INPP5B: variants seen among roughly 807,000 people sequenced by gnomAD.
The protein encoded by INPP5B is inositol polyphosphate-5-phosphatase B.
INPP5B carries 90 observed loss-of-function variants against 118.5 expected under a neutral mutation model. The ratio of observed to expected loss-of-function variants is 0.76; its 90% CI spans 0.64 to 0.90. INPP5B has a LOEUF of 0.90. Ranked by LOEUF, INPP5B falls within the 40% of genes least tolerant of loss-of-function variation. The pLI is 0.00. For missense variants in INPP5B, 984 were observed against 1,125.6 expected (o/e 0.87, Z 1.80); for synonymous variants, 385 against 418.9 (o/e 0.92, Z 0.99).
rs1050159743 is a variant in INPP5B at position 37,875,637 on chromosome 1, T to C, written c.1757A>G (p.Asn586Ser). 6.2e-6 allele frequency: 10 copies of C among 1,614,070 alleles called. No homozygotes were observed. The highest frequency in any genetic ancestry group is 1.6e-4 in the Middle Eastern group (1 of 6,062). The change falls in exon 17 of 24, where the codon AAC (asparagine) becomes AGC (serine). Residue 586 changes from asparagine to serine, a missense_variant. Physicochemically the swap from Asn to Ser is conservative, Grantham distance 46. Around this residue, in one of 2 missense-constraint regions of INPP5B, gnomAD observed 634 missense variants for 791.0 expected, o/e 0.80. Transcript: ENST00000373024. The part of the protein sequence containing the change: ...VRSLDKMENA[N>S]IPSVSLSKRE... ...CTTGGACAGGGACACAGAAGGAATG[T>C]TGGCATTTTCCATCTTATCCAGGGA...
At chr1:37,946,160 G>A (rs1415309182) in intron 2 of INPP5B, 92 bp downstream of exon 2, 9 of 1,194,538 alleles carry the variant, frequency 7.5e-6, no homozygotes, top group Non-Finnish European at 1.1e-5. Context: ...TGGTTCAGAG[G>A]GGCAGGAGAG....
chr1:37,890,072 G>A (rs2148518399), intron 8 of INPP5B, among the ~76,000 whole-genome samples: 1 of 152,268 alleles, frequency 6.6e-6, no homozygotes, highest in Non-Finnish European at 1.5e-5. Flanking sequence ...CAGAGTATGG[G>A]ATTCAATCAT....
At chr1:37,904,828 G>C (rs959573108) in intron 7 of INPP5B, among the ~76,000 whole-genome samples, 13 of 151,242 alleles carry the variant, frequency 8.6e-5, no homozygotes, top group African/African-American at 3.2e-4. Flanking sequence ...GGTGAGCCAA[G>C]ATCGTGCCAC....
At chr1:37,900,521 G>A (rs1454280863) in intron 7 of INPP5B, among the ~76,000 whole-genome samples, 2 of 151,250 alleles carry the variant, frequency 1.3e-5, no homozygotes, top group Admixed American at 6.6e-5. Flanking sequence ...TCAAAGTGCC[G>A]GGATTACAGG....
In INPP5B at chr1:37,886,925, T is replaced by C; in HGVS notation, c.1094A>G (p.Glu365Gly). 3 of 1,614,186 alleles carry C rather than the reference T, an allele frequency of 1.9e-6. No individual in the cohort carries two copies. Among genetic ancestry groups the C allele is most frequent in the Non-Finnish European group, 2.5e-6 (3 of 1,180,032 alleles). Residue 365 changes from glutamate (E) to glycine (G), a missense_variant, in exon 12 of 24, where the codon GAA becomes GGA. Glu to Gly is a moderately conservative substitution (Grantham distance 98, BLOSUM62 -2). This residue lies in a region of INPP5B where 634 missense variants were observed against 791.0 expected (regional missense o/e 0.80). Transcript: ENST00000373024. ...GATTCCTGTCCCCACAGTCTCGGCTTCCACTTCTGAGATATAAGCTGCATG... is the reference window on the plus strand; with the variant it reads ...GATTCCTGTCCCCACAGTCTCGGCTCCCACTTCTGAGATATAAGCTGCATG... ...QEHAAYISEVEAETVGTGIMG... is the reference protein window; with the variant it reads ...QEHAAYISEVGAETVGTGIMG...
chr1:37,895,105 T>A (rs2148535744), intron 7 of INPP5B, among the ~76,000 whole-genome samples: 1 of 152,240 alleles, frequency 6.6e-6, no homozygotes, highest in East Asian at 1.9e-4. Flanking sequence ...GGTATTTGAG[T>A]TAGTAATGGT....
chr1:37,897,749 T>C (rs1644176192), intron 7 of INPP5B, among the ~76,000 whole-genome samples: 1 of 151,442 alleles, frequency 6.6e-6, no homozygotes, highest in Non-Finnish European at 1.5e-5. Flanking sequence ...ATGATAATAA[T>C]AATAATAAAA....
chr1:37,863,472 G>A (rs952746079), intron 23 of INPP5B, among the ~76,000 whole-genome samples: 2 of 151,082 alleles, frequency 1.3e-5, no homozygotes, highest in African/African-American at 2.4e-5. Flanking sequence ...CTGAGATCAC[G>A]CCACTGCACT....
intron 7 of INPP5B, among the ~76,000 whole-genome samples, chr1:37,914,392 G>A (rs891330686): frequency 6.6e-6 from 1 of 152,090 alleles, no homozygotes; most frequent in African/African-American, 2.4e-5. Flanking sequence ...CCCCTTTCCG[G>A]TAACAATTTT....
intron 7 of INPP5B, among the ~76,000 whole-genome samples, chr1:37,919,198 C>T (rs948350434): frequency 2.0e-5 from 3 of 152,148 alleles, no homozygotes; most frequent in Non-Finnish European, 4.4e-5. Context: ...AAAGTATCAG[C>T]ACAGTCTGTA....
chr1:37,932,801 G>A (rs1645540184), intron 6 of INPP5B, among the ~76,000 whole-genome samples: 1 of 152,166 alleles, frequency 6.6e-6, no homozygotes, highest in South Asian at 2.1e-4. Flanking sequence ...ACCTCCAGCA[G>A]CAGTTGGCAG....
At chr1:37,899,177 CA>C (rs34526336) in intron 7 of INPP5B, among the ~76,000 whole-genome samples, 195 of 117,064 alleles carry the variant, frequency 1.7e-3, no homozygotes, top group African/African-American at 2.9e-3. Flanking sequence ...GTGAAACTGT[CA>C]AAAAAAAAAA....
intron 6 of INPP5B, among the ~76,000 whole-genome samples, chr1:37,939,946 C>T (rs1645853410): frequency 6.6e-6 from 1 of 152,080 alleles, no homozygotes; most frequent in African/African-American, 2.4e-5. Flanking sequence ...TAGTTTGAAT[C>T]CAAGGGCAGT....
intron 7 of INPP5B, among the ~76,000 whole-genome samples, chr1:37,916,005 C>G (rs1330156817): frequency 6.6e-6 from 1 of 152,126 alleles, no homozygotes; most frequent in Non-Finnish European, 1.5e-5. Flanking sequence ...TGTTGAAGGC[C>G]CAGACCTATA....
rs775705986 is a variant in INPP5B at position 37,868,577 on chromosome 1, TGGCTC to T, written c.2220_2224del (p.Ser741ValfsTer3). 3 of 1,613,888 alleles carry T rather than the reference TGGCTC, an allele frequency of 1.9e-6. No individual in the cohort carries two copies. The South Asian group carries it at 3.3e-5, about 18-fold the overall frequency. Reference sequence around the variant, plus strand: ...GGGGATTTCCATGGGGCTATCCAACTGGCTCCCATCATCTCCAGTCCATACTGGCA... The same window carrying T: ...GGGGATTTCCATGGGGCTATCCAACTCCATCATCTCCAGTCCATACTGGCA... On this transcript the variant is annotated frameshift_variant, in exon 20 of 24. Transcript: ENST00000373024. LOFTEE classifies it high-confidence loss of function.
chr1:37,876,691 C>G (rs1321807757), intron 16 of INPP5B, among the ~76,000 whole-genome samples: 1 of 103,456 alleles, frequency 9.7e-6, no homozygotes, highest in Non-Finnish European at 2.0e-5. Context: ...AACCCCGTCT[C>G]TACTAAAAAT....
intron 7 of INPP5B, among the ~76,000 whole-genome samples, chr1:37,921,185 A>C (rs570904559): frequency 1.3e-5 from 2 of 152,362 alleles, no homozygotes; most frequent in East Asian, 3.9e-4. Flanking sequence ...ATGGACTCAA[A>C]GTAAGTGCTT....
intron 23 of INPP5B, among the ~76,000 whole-genome samples, chr1:37,862,965 C>G (rs1209744179): frequency 6.6e-6 from 1 of 152,182 alleles, no homozygotes; most frequent in Non-Finnish European, 1.5e-5. Context: ...GGGGAGGCAG[C>G]CCTGCTTGGT....
At chr1:37,940,984 TC>T (rs1474706851) in intron 5 of INPP5B, among the ~76,000 whole-genome samples, 186 bp from the exon 6 acceptor site, 1 of 152,078 alleles carries the variant, frequency 6.6e-6, no homozygotes, top group Non-Finnish European at 1.5e-5. Context: ...CAAATTAACA[TC>T]ATCCCCTCTT....
Sources: gnomAD v4.1 joint callset for allele counts (sites outside exome capture counted in the v4.1 genomes callset) on GRCh38, gnomAD v4.1.1 for gene constraint, gnomAD v4.1.1 regional missense constraint, MANE v1.5 for transcripts, NCBI Gene and HGNC (gene_info 2026-07-23, HGNC 2026-07-21) for gene names.